Variants in MMRN2 observed in about 807,000 individuals in gnomAD.
MMRN2 encodes multimerin-2.
A neutral mutation model predicts 68.8 loss-of-function variants in MMRN2; 53 were observed. The ratio of observed to expected loss-of-function variants is 0.77; its 90% CI spans 0.62 to 0.97. The LOEUF is 0.97. MMRN2 is among the 50% of genes least tolerant of loss of function. The pLI is 0.00. For synonymous variants in MMRN2, 564 were observed against 551.6 expected (o/e 1.02, Z -0.32); for missense variants, 1,266 against 1,259.5 (o/e 1.01, Z -0.08).
intron 1 of MMRN2, among the ~76,000 whole-genome samples, chr10:86,951,652 T>C (rs1157585260): frequency 3.3e-5 from 5 of 152,206 alleles, no homozygotes; most frequent in African/African-American, 9.6e-5. Context: ...CCACTGGCCA[T>C]AGTTTTCTGA....
Position 86,941,798 on chromosome 10 carries a change from T to TAA in MMRN2, c.2467+517_2467+518dup, listed in dbSNP as rs55898424. Among the ~76,000 whole-genome samples the TAA allele has an allele frequency of 1.5e-3, 171 of 115,024 alleles. 1 individual carries two copies. The highest frequency in any genetic ancestry group is 4.6e-3 in the Middle Eastern group (1 of 216). 75.5% of individuals were successfully genotyped at this position (115,024 alleles called of 152,430 possible). ...CTGGACGACAAAGTGAGACCCATCT[T>TAA]AAAAAAAAAAAAAAAAAGAAAAGAA... On this transcript the variant is annotated intron_variant, in intron 6 of 6. Coordinates refer to ENST00000372027, the MANE Select transcript of MMRN2 (RefSeq NM_024756.3).
intron 1 of MMRN2, among the ~76,000 whole-genome samples, chr10:86,948,070 C>CA (rs1740398191): frequency 6.6e-6 from 1 of 151,766 alleles, no homozygotes; most frequent in South Asian, 2.1e-4. Context: ...CTCATCCCTA[C>CA]AAAAAATTAG....
chr10:86,939,505 A>C (rs1843928521), intron 6 of MMRN2, among the ~76,000 whole-genome samples: 1 of 147,702 alleles, frequency 6.8e-6, no homozygotes, highest in Non-Finnish European at 1.5e-5. Context: ...ATTGTGCCCA[A>C]GTCAGAGGCC....
chr10:86,947,915 C>T (rs373022123), intron 1 of MMRN2, among the ~76,000 whole-genome samples: 1 of 152,160 alleles, frequency 6.6e-6, no homozygotes, highest in East Asian at 1.9e-4. Flanking sequence ...GAGCAGACAT[C>T]CAAGATTTAC....
chr10:86,937,289 T>C (rs1843894752), intron 6 of MMRN2, among the ~76,000 whole-genome samples, 164 bp from the exon 7 acceptor site: 1 of 152,192 alleles, frequency 6.6e-6, no homozygotes, highest in African/African-American at 2.4e-5. Context: ...GGAGAAAAGC[T>C]AGATGGCCAA....
In MMRN2 at chr10:86,943,532, C is replaced by T. The variant is rs771512296; in HGVS notation, c.1252G>A (p.Glu418Lys). ...ATCTGATCGAAAGTCTCGTCCGATTCGGAGTACAGTTCCTTGATCTCATCC... is the reference window on the plus strand; with the variant it reads ...ATCTGATCGAAAGTCTCGTCCGATTTGGAGTACAGTTCCTTGATCTCATCC... ...HVDEIKELYS[E>K]SDETFDQISK... is the part of the protein sequence containing the mutation. The change falls in exon 6 of 7, where the codon GAA becomes AAA. Residue 418 changes from glutamate to lysine, a missense_variant. By Grantham distance (56) the Glu-to-Lys change is moderately conservative. Coordinates refer to ENST00000372027, the MANE Select transcript of MMRN2 (RefSeq NM_024756.3). The surrounding 1 kb of genome is among the most constrained non-coding windows in gnomAD (Gnocchi z 4.2). 38 of 1,614,140 alleles carry T rather than the reference C, an allele frequency of 2.4e-5. No homozygotes were observed. Among genetic ancestry groups the T allele is most frequent in the Non-Finnish European group, 3.0e-5 (35 of 1,180,054 alleles).
chr10:86,954,409 A>C (rs1239062438), intron 1 of MMRN2, among the ~76,000 whole-genome samples: 1 of 152,122 alleles, frequency 6.6e-6, no homozygotes, highest in African/African-American at 2.4e-5. Flanking sequence ...CCCTTCCCCC[A>C]TCATCGAAAT....
chr10:86,942,293 A>G (rs1180086685), intron 6 of MMRN2, 24 bp downstream of exon 6: 1 of 1,579,074 alleles, frequency 6.3e-7, no homozygotes, highest in Non-Finnish European at 8.6e-7. Flanking sequence ...AGGCTCGTCC[A>G]GTCTCCCCAG....
Position 86,943,195 on chromosome 10 carries a change from C to T in MMRN2, c.1589G>A (p.Gly530Asp), listed in dbSNP as rs746424798. 1.9e-6 allele frequency: 3 copies of T among 1,608,926 alleles called. No individual in the cohort carries two copies. Among genetic ancestry groups the T allele is most frequent in the East Asian group, 2.2e-5 (1 of 44,764 alleles). The change falls in exon 6 of 7, where the codon GGC becomes GAC. Residue 530 changes from glycine to aspartate, a missense_variant. Transcript: ENST00000372027. This position sits in a 1 kb window ranked among gnomAD's most constrained non-coding sequence, Gnocchi z 4.2. ...VSLDERRQLDGSSLQALQNAV... is the reference protein window; with the variant it reads ...VSLDERRQLDDSSLQALQNAV... ...GTTCTGCAGGGCCTGCAGGGAGGAG[C>T]CGTCCAGCTGCCGCCGCTCGTCCAG...
In MMRN2 at chr10:86,935,639, T is replaced by C. The variant is rs1286406538; in HGVS notation, c.*1104A>G. 6.6e-6 allele frequency: 1 copy of C among 152,242 alleles called. No individual in the cohort carries two copies. Among genetic ancestry groups the C allele is most frequent in the East Asian group, 1.9e-4 (1 of 5,198 alleles). 9.4% of individuals were successfully genotyped at this position (152,242 alleles called of 1,614,324 possible). On this transcript the variant is annotated 3_prime_UTR_variant, in exon 7 of 7. Transcript: ENST00000372027. ...TCAGCTGCCTCCTGGTTAGAGATGCTAACAAGAATTACGATGGTCCTAAGA... is the reference window on the plus strand; with the variant it reads ...TCAGCTGCCTCCTGGTTAGAGATGCCAACAAGAATTACGATGGTCCTAAGA...
chr10:86,956,777 C>G (rs1359855827), intron 1 of MMRN2, among the ~76,000 whole-genome samples: 3 of 152,232 alleles, frequency 2.0e-5, no homozygotes, highest in Admixed American at 2.0e-4. Flanking sequence ...TGAGGGGGGA[C>G]TTACAGGCCC....
At chr10:86,953,021 T>G (rs1448169466) in intron 1 of MMRN2, among the ~76,000 whole-genome samples, 2 of 152,236 alleles carry the variant, frequency 1.3e-5, no homozygotes, top group Non-Finnish European at 2.9e-5. Context: ...GCATATCCGT[T>G]TATAGGCTCT....
In MMRN2 at chr10:86,945,422, A is replaced by G. The variant is rs1235289368; in HGVS notation, c.348T>C (p.Ser116=). 6.3e-7 allele frequency: 1 copy of G among 1,576,464 alleles called. No individual in the cohort carries two copies. Among genetic ancestry groups the G allele is most frequent in the Non-Finnish European group, 8.6e-7 (1 of 1,159,754 alleles). Residue 116 remains serine (S), a synonymous_variant, in exon 3 of 7, where the codon TCT becomes TCC. Coordinates refer to ENST00000372027, the MANE Select transcript of MMRN2 (RefSeq NM_024756.3). ...AGCCAGGGCAGCACCTCCAGGCCAA[A>G]GAGGTCAGCACCTTCTGCTTGACCT... ...VYQVKQKVLT[S]LAWRCCPGYT... is the part of the protein sequence containing the mutation.
chr10:86,952,945 C>A (rs911680694), intron 1 of MMRN2, among the ~76,000 whole-genome samples: 1 of 152,104 alleles, frequency 6.6e-6, no homozygotes, highest in Admixed American at 6.6e-5. Context: ...GAATGTAATT[C>A]TTTTCCTAGG....
intron 1 of MMRN2, among the ~76,000 whole-genome samples, chr10:86,956,294 G>C (rs1564736046): frequency 6.6e-6 from 1 of 152,046 alleles, no homozygotes; most frequent in African/African-American, 2.4e-5. Context: ...CTCACTAAGG[G>C]GCCTCTTGCC....
chr10:86,936,618 C>G lies in MMRN2; in HGVS notation c.*125G>C. On this transcript the variant is annotated 3_prime_UTR_variant, in exon 7 of 7. Coordinates refer to ENST00000372027, the MANE Select transcript of MMRN2 (RefSeq NM_024756.3). ...AGGGAAGCCACGTACACCACACCATCTTTGCAGAAGGTTTCCAGGGAAGAG... is the reference window on the plus strand; with the variant it reads ...AGGGAAGCCACGTACACCACACCATGTTTGCAGAAGGTTTCCAGGGAAGAG... The G allele has an allele frequency of 8.0e-7, 1 of 1,244,630 alleles. No individual in the cohort carries two copies. Among genetic ancestry groups the G allele is most frequent in the Non-Finnish European group, 1.1e-6 (1 of 886,642 alleles). 77.1% of individuals were successfully genotyped at this position (1,244,630 alleles called of 1,614,324 possible).
chr10:86,942,760 G>A lies in MMRN2; in HGVS notation c.2024C>T (p.Ala675Val). The A allele has an allele frequency of 7.3e-7, 1 of 1,377,578 alleles. No homozygotes were observed. The highest frequency in any genetic ancestry group is 1.7e-5 in the South Asian group (1 of 60,240). 85.3% of individuals were successfully genotyped at this position (1,377,578 alleles called of 1,614,324 possible). The change falls in exon 6 of 7, where the codon GCA becomes GTA. Residue 675 changes from alanine (A) to valine (V), a missense_variant. Physicochemically the swap from Ala to Val is moderately conservative, Grantham distance 64 (BLOSUM62 0). Transcript: ENST00000372027. ...GTCGTGGCTGGGCTCCAGGTGCTCT[G>A]CCGGCCGCGGGGGCTCCGAGGCCTG... ...LEQASEPPRP[A>V]EHLEPSHDAG...
At position 86,942,555 on chromosome 10, in the gene MMRN2, G is replaced by C. The variant is rs200920884; in HGVS notation, c.2229C>G (p.Ser743Arg). Residue 743 changes from serine (S) to arginine (R), a missense_variant, in exon 6 of 7, where the codon AGC (serine) becomes AGG (arginine). Ser to Arg is a moderately radical substitution (Grantham distance 110). Transcript: ENST00000372027. Reference sequence around the variant, plus strand: ...GGAAGAGCCGCTGGTGCTGCTCCAAGCTGCGCTGAGTGGCGAAGAGTGCGT... The same window carrying C: ...GGAAGAGCCGCTGGTGCTGCTCCAACCTGCGCTGAGTGGCGAAGAGTGCGT... ...LHNALFATQRSLEQHQRLFHS... is the reference protein window; with the variant it reads ...LHNALFATQRRLEQHQRLFHS... 2.6e-4 allele frequency: 416 copies of C among 1,613,132 alleles called. No homozygotes were observed. Among genetic ancestry groups the C allele is most frequent in the Non-Finnish European group, 3.3e-4 (389 of 1,179,960 alleles).
chr10:86,957,313 T>C, intron 1 of MMRN2, 65 bp downstream of exon 1: 1 of 1,544,230 alleles, frequency 6.5e-7, no homozygotes. Flanking sequence ...AGAGAGGCTC[T>C]GCTCTAGCTG....
Sources: gnomAD v4.1 joint callset for allele counts (sites outside exome capture counted in the v4.1 genomes callset) on GRCh38, gnomAD v4.1.1 for gene constraint, Gnocchi (gnomAD v3.1) non-coding constraint, MANE v1.5 for transcripts, NCBI Gene and HGNC (gene_info 2026-07-23, HGNC 2026-07-21) for gene names.